The following CCDC138 variants were observed in gnomAD, a reference collection of about 807,000 sequenced individuals.
The protein encoded by CCDC138 is coiled-coil domain containing 138, also known as coiled-coil domain-containing protein 138.
In CCDC138, 66 loss-of-function variants were observed where a neutral mutation model predicts 82.3. The observed-to-expected ratio is 0.80, with a 90% confidence interval of 0.66 to 0.98. CCDC138 has a LOEUF of 0.98. CCDC138 is among the 50% of genes least tolerant of loss of function. CCDC138 has a pLI of 0.00. For missense variants in CCDC138, 816 were observed against 758.9 expected, an observed-to-expected ratio of 1.08 and a Z score of -0.88; for synonymous variants, 297 against 265.4, an observed-to-expected ratio of 1.12 and a Z score of -1.16.
chr2:108,839,048 A>C (rs963816507), intron 10 of CCDC138, 137 bp from the exon 11 acceptor site: 1 of 905,418 alleles, frequency 1.1e-6, no homozygotes, highest in Admixed American at 3.2e-5. Flanking sequence ...ATATAGTTTT[A>C]AAGTGAAGGT....
At chr2:108,863,692 ATTAT>A (rs938636147) in intron 13 of CCDC138, among the ~76,000 whole-genome samples, 35 of 152,274 alleles carry the variant, frequency 2.3e-4, no homozygotes, top group African/African-American at 7.7e-4. Context: ...GTTTATCATC[ATTAT>A]TTATTAAGGC....
At chr2:108,833,118 G>T (rs1687973949) in intron 10 of CCDC138, among the ~76,000 whole-genome samples, 1 of 152,196 alleles carries the variant, frequency 6.6e-6, no homozygotes, top group Non-Finnish European at 1.5e-5. Flanking sequence ...TGAGAAAGAG[G>T]AGCAGAGCAC....
intron 12 of CCDC138, among the ~76,000 whole-genome samples, chr2:108,851,295 TTTG>T (rs1691448201): frequency 6.6e-6 from 1 of 152,020 alleles, no homozygotes; most frequent in East Asian, 1.9e-4. Context: ...TGTTTTGTTT[TTTG>T]TTGTTTGTTT....
intron 10 of CCDC138, among the ~76,000 whole-genome samples, chr2:108,831,087 A>C (rs1295679668): frequency 6.6e-6 from 1 of 152,034 alleles, no homozygotes; most frequent in African/African-American, 2.4e-5. Context: ...AGGCACCAGA[A>C]TCGCTTAAAC....
chr2:108,831,406 A>G (rs1687588469), intron 10 of CCDC138, among the ~76,000 whole-genome samples: 1 of 152,228 alleles, frequency 6.6e-6, no homozygotes, highest in Non-Finnish European at 1.5e-5. Context: ...AACATTCAAA[A>G]GATAAGAAAA....
At position 108,873,336 on chromosome 2, in the gene CCDC138, A is replaced by T; in HGVS notation, c.1694-115A>T. On this transcript the variant is annotated intron_variant, in intron 13 of 14. Coordinates refer to ENST00000295124, the MANE Select transcript of CCDC138 (RefSeq NM_144978.3). ...CACTCAAAAATTTAAGTATGAAAAGAATGAAAATCTAAATGAATATTTATA... is the reference window on the plus strand; with the variant it reads ...CACTCAAAAATTTAAGTATGAAAAGTATGAAAATCTAAATGAATATTTATA... The T allele has an allele frequency of 3.1e-6, 3 of 983,578 alleles. No homozygotes were observed. The South Asian group carries it at 1.1e-4, about 37-fold the overall frequency. The allele number at this position is 983,578 out of a possible 1,614,324, so 60.9% of individuals were successfully genotyped here.
intron 10 of CCDC138, among the ~76,000 whole-genome samples, chr2:108,826,039 C>T (rs1204588111): frequency 6.6e-6 from 1 of 152,048 alleles, no homozygotes; most frequent in East Asian, 1.9e-4. Context: ...GCTTGTTGGC[C>T]GTTTGGATAT....
At chr2:108,814,756 C>A (rs1034818165) in intron 9 of CCDC138, among the ~76,000 whole-genome samples, 32 of 151,066 alleles carry the variant, frequency 2.1e-4, no homozygotes, top group African/African-American at 7.8e-4. Flanking sequence ...GGGTTCAAGC[C>A]TCCCGAAGAG....
At chr2:108,794,438 T>A in intron 4 of CCDC138, 102 bp from the exon 5 acceptor site, 2 of 1,066,138 alleles carry the variant, frequency 1.9e-6, no homozygotes, top group Non-Finnish European at 2.6e-6. Context: ...CTTTTTAATG[T>A]TATATTTTGT....
chr2:108,791,287 C>G (rs1679865939), intron 3 of CCDC138, among the ~76,000 whole-genome samples: 1 of 152,126 alleles, frequency 6.6e-6, no homozygotes, highest in South Asian at 2.1e-4. Flanking sequence ...GCTCCACTTT[C>G]TACTCGTTAT....
At chr2:108,828,371 T>G (rs747958243) in intron 10 of CCDC138, among the ~76,000 whole-genome samples, 1 of 152,184 alleles carries the variant, frequency 6.6e-6, no homozygotes, top group African/African-American at 2.4e-5. Context: ...AAAATTGATA[T>G]GGAATCTGAA....
chr2:108,813,605 C>G (rs906756877), intron 9 of CCDC138, among the ~76,000 whole-genome samples: 23 of 151,910 alleles, frequency 1.5e-4, no homozygotes, highest in Non-Finnish European at 2.8e-4. Flanking sequence ...CTTTTTTTCC[C>G]TAAGAATTTT....
rs1684059046 is a variant in CCDC138 at position 108,812,623 on chromosome 2, C to T, written c.856-8C>T. ...ATATTGAAATATCTAACTTTTTCTA[C>T]CCTTTAGTTAAATGAAGCAAGTGAA... On this transcript the variant is annotated splice_polypyrimidine_tract_variant and splice_region_variant and intron_variant, in intron 7 of 14. Transcript: ENST00000295124. 1 of 1,605,844 alleles carries T rather than the reference C, an allele frequency of 6.2e-7. No individual in the cohort carries two copies. The highest frequency in any genetic ancestry group is 8.5e-7 in the Non-Finnish European group (1 of 1,172,972).
intron 13 of CCDC138, among the ~76,000 whole-genome samples, chr2:108,862,077 G>GTTTT (rs71383810): frequency 4.2e-5 from 6 of 141,358 alleles, no homozygotes; most frequent in African/African-American, 5.2e-5. Context: ...TATGATTTCA[G>GTTTT]TTTTTTTTTT....
At chr2:108,808,104 G>T (rs1683169637) in intron 7 of CCDC138, among the ~76,000 whole-genome samples, 1 of 152,168 alleles carries the variant, frequency 6.6e-6, no homozygotes, top group Admixed American at 6.5e-5. Flanking sequence ...TAACATAAGT[G>T]TGTGGTAAGG....
chr2:108,843,844 TTG>T (rs71383805), intron 11 of CCDC138, among the ~76,000 whole-genome samples: 326 of 22,804 alleles, frequency 0.014, 7 homozygotes, highest in Non-Finnish European at 0.054. Flanking sequence ...AGTTCATGTT[TTG>T]TGTGTGTGTG....
intron 12 of CCDC138, among the ~76,000 whole-genome samples, chr2:108,848,201 A>G (rs1690819753): frequency 3.3e-5 from 5 of 152,248 alleles, no homozygotes; most frequent in Admixed American, 3.3e-4. Flanking sequence ...AACATACATT[A>G]TATCATTTAA....
intron 4 of CCDC138, among the ~76,000 whole-genome samples, chr2:108,794,278 A>C (rs1388826966): frequency 6.6e-6 from 1 of 152,246 alleles, no homozygotes; most frequent in African/African-American, 2.4e-5. Flanking sequence ...GTGTCTTTTT[A>C]TATCCTTTAA....
chr2:108,829,423 A>G (rs1356768064), intron 10 of CCDC138, among the ~76,000 whole-genome samples: 1 of 152,242 alleles, frequency 6.6e-6, no homozygotes, highest in Non-Finnish European at 1.5e-5. Flanking sequence ...ACAAAACCAC[A>G]GTAAGATACC....
Sources: gnomAD v4.1 joint callset for allele counts (sites outside exome capture counted in the v4.1 genomes callset) on GRCh38, gnomAD v4.1.1 for gene constraint, MANE v1.5 for transcripts, NCBI Gene and HGNC (gene_info 2026-07-23, HGNC 2026-07-21) for gene names.